Variants in KIF4A observed in about 807,000 individuals in gnomAD.
KIF4A encodes chromosome-associated kinesin KIF4A.
In KIF4A, 7 loss-of-function variants were observed where a neutral mutation model predicts 105.9. That is an observed-to-expected ratio of 0.07 (90% CI 0.04 to 0.12). The LOEUF (loss-of-function observed/expected upper bound fraction) is 0.12. Among genes scored for constraint, KIF4A ranks in the 10% least tolerant of loss-of-function variants. The pLI is 1.00. For missense variants in KIF4A, 558 were observed against 929.2 expected (o/e 0.60, Z 5.19); for synonymous variants, 281 against 331.3 (o/e 0.85, Z 1.65).
chrX:70,315,305 A>G (rs1036815079), intron 7 of KIF4A, among the ~76,000 whole-genome samples: 3 of 112,033 alleles, frequency 2.7e-5, no homozygotes, highest in African/African-American at 9.7e-5. Flanking sequence ...GCAATGAGAA[A>G]AATGTCAGCA....
intron 22 of KIF4A, 28 bp from the exon 23 acceptor site, chrX:70,402,538 A>G: frequency 8.3e-6 from 10 of 1,207,737 alleles, no homozygotes; most frequent in Non-Finnish European, 1.0e-5. Flanking sequence ...GCTACTTGCA[A>G]TAAGGCTTAC....
rs565441016 is a variant in KIF4A, at chrX:70,384,944, C to T, written c.2035-1674C>T. On this transcript the variant is annotated intron_variant, in intron 18 of 30. Transcript: ENST00000374403. ...CCTCCTGAGTAGCTGGGACTACAGG[C>T]GCATGCCACCATGCCTGGCAATTTT... Among the ~76,000 whole-genome samples, 48 of 107,663 alleles carry T rather than the reference C, an allele frequency of 4.5e-4. No individual in the cohort carries two copies. In the South Asian group the frequency reaches 0.02, roughly 45 times the overall value. The allele number at this position is 107,663 out of a possible 115,157, so 93.5% of individuals were successfully genotyped here. A position where few individuals can be genotyped will look rare whatever the true frequency, so the allele number is the denominator to read the frequency against.
chrX:70,374,033 G>C, intron 15 of KIF4A, 118 bp from the exon 16 acceptor site: 1 of 353,698 alleles, frequency 2.8e-6, no homozygotes, highest in South Asian at 1.0e-4. Context: ...AATGTTTTCA[G>C]CGTGCAGTTG....
At chrX:70,330,448 G>A (rs2085925877) in intron 9 of KIF4A, 116 bp downstream of exon 9, 2 of 664,217 alleles carry the variant, frequency 3.0e-6, no homozygotes, top group African/African-American at 2.2e-5. Context: ...TAGGCATTAT[G>A]TTTGTTCGGG....
At chrX:70,353,554 T>A (rs2086039494) in intron 14 of KIF4A, 68 bp from the exon 15 acceptor site, 2 of 979,033 alleles carry the variant, frequency 2.0e-6, no homozygotes, top group African/African-American at 3.8e-5. Context: ...TGAGACTTGA[T>A]GAAATAGTGC....
intron 10 of KIF4A, among the ~76,000 whole-genome samples, chrX:70,339,226 C>T (rs191787114): frequency 6.5e-4 from 72 of 110,048 alleles, no homozygotes; most frequent in African/African-American, 2.3e-3. Flanking sequence ...TTTTTGTTTT[C>T]AATTATTCAT....
rs371165150 is a variant in KIF4A, at chrX:70,333,672, C to A, written c.1116C>A (p.Thr372=). 11 of 1,183,183 alleles carry A rather than the reference C, an allele frequency of 9.3e-6. No homozygotes were observed. Among genetic ancestry groups the A allele is most frequent in the Non-Finnish European group, 1.3e-5 (11 of 871,347 alleles). Residue 372 remains threonine (T), a synonymous_variant, in exon 10 of 31, where the codon ACC becomes ACA. Transcript: ENST00000374403. Reference sequence around the variant, plus strand: ...TGTTGCTACAGGCCCATGGAGGTACCCTGCCTGGATCTATAACGTAAGAGT... The same window carrying A: ...TGTTGCTACAGGCCCATGGAGGTACACTGCCTGGATCTATAACGTAAGAGT... ...QVLLLQAHGG[T]LPGSITVEPS...
rs367752035 is a variant in KIF4A, at chrX:70,290,854, A to G, written c.235+49A>G. The G allele has an allele frequency of 1.1e-4, 99 of 879,144 alleles. No individual in the cohort carries two copies. The African/African-American group carries it at 1.8e-3, about 16-fold the overall frequency. The allele number at this position is 879,144 out of a possible 1,213,427, so 72.5% of individuals were successfully genotyped here. ...CGTAACATATATATTCCTTGAGCAT[A>G]TACTATGTGCCAAGCACTGTGCTTG... is the stretch of plus-strand genomic sequence containing the variant. On this transcript the variant is annotated intron_variant, in intron 3 of 30. Transcript: ENST00000374403.
chrX:70,320,100 T>G (rs1335541875), intron 7 of KIF4A, among the ~76,000 whole-genome samples: 23 of 112,229 alleles, frequency 2.0e-4, no homozygotes. Context: ...TCACTTTTGC[T>G]TTTTCTTCTT....
At chrX:70,414,833 A>C (rs2086336798) in intron 28 of KIF4A, among the ~76,000 whole-genome samples, 1 of 111,804 alleles carries the variant, frequency 8.9e-6, no homozygotes, top group African/African-American at 3.2e-5. Context: ...GAGGGGCTTC[A>C]TACATCAAAC....
intron 13 of KIF4A, among the ~76,000 whole-genome samples, chrX:70,350,171 C>T (rs1377862858): frequency 7.2e-5 from 8 of 111,272 alleles, no homozygotes; most frequent in African/African-American, 2.0e-4. Flanking sequence ...GCCGAGATCA[C>T]GCCACTGCAC....
intron 7 of KIF4A, among the ~76,000 whole-genome samples, chrX:70,319,262 CA>C (rs929488959): frequency 1.3e-3 from 139 of 109,691 alleles, no homozygotes; most frequent in Non-Finnish European, 2.3e-3. Context: ...GACTCCGTCT[CA>C]AAAAAAAGAA....
chrX:70,382,435 A>C (rs974324930), intron 18 of KIF4A, among the ~76,000 whole-genome samples: 2 of 111,991 alleles, frequency 1.8e-5, no homozygotes, highest in Non-Finnish European at 3.8e-5. Context: ...TGTCTCAAAA[A>C]GAAACTTGCT....
At position 70,420,273 on chromosome X, in the gene KIF4A, G is replaced by A. The variant is rs745920616; in HGVS notation, c.*8G>A. ...GAAGAAGAGGCCCACTGAAGTTGGA[G>A]TCATCATCTCTACCCCCAGTCTGGC... On this transcript the variant is annotated 3_prime_UTR_variant, in exon 31 of 31. Transcript: ENST00000374403. The A allele has an allele frequency of 8.3e-7, 1 of 1,200,429 alleles. No homozygotes were observed. Among genetic ancestry groups the A allele is most frequent in the Non-Finnish European group, 1.1e-6 (1 of 891,086 alleles).
At chrX:70,373,107 A>G (rs1036919711) in intron 15 of KIF4A, among the ~76,000 whole-genome samples, 5 of 110,151 alleles carry the variant, frequency 4.5e-5, no homozygotes, top group Middle Eastern at 4.7e-3. Flanking sequence ...CCCCATCACT[A>G]CAAAAAAATA....
At chrX:70,352,773 T>A (rs1400570896) in intron 14 of KIF4A, 117 bp downstream of exon 14, 1 of 465,362 alleles carries the variant, frequency 2.1e-6, no homozygotes, top group Non-Finnish European at 3.7e-6. Context: ...GAATGCCTGT[T>A]AAATCCAGAA....
intron 7 of KIF4A, among the ~76,000 whole-genome samples, chrX:70,305,937 C>T (rs1271496346): frequency 8.9e-6 from 1 of 111,937 alleles, no homozygotes; most frequent in African/African-American, 3.2e-5. Flanking sequence ...CTAGTGGGTA[C>T]GAAGTGGTAT....
At chrX:70,382,190 G>A (rs944406278) in intron 18 of KIF4A, among the ~76,000 whole-genome samples, 9 of 112,643 alleles carry the variant, frequency 8.0e-5, no homozygotes, top group South Asian at 3.7e-4. Flanking sequence ...AGCACTGTGG[G>A]ATGCCGAGGC....
intron 15 of KIF4A, among the ~76,000 whole-genome samples, chrX:70,355,094 G>C (rs1351316426): frequency 9.0e-6 from 1 of 111,695 alleles, no homozygotes; most frequent in African/African-American, 3.3e-5. Context: ...TGCCTCCCCA[G>C]GACTTCCACC....
Sources: allele counts gnomAD v4.1 joint callset (sites outside exome capture counted in the v4.1 genomes callset), GRCh38; gene constraint gnomAD v4.1.1; transcripts MANE v1.5; gene names NCBI Gene and HGNC (gene_info 2026-07-23, HGNC 2026-07-21).